Variants in GDAP2 observed in about 807,000 individuals in gnomAD.
GDAP2 encodes the protein ganglioside induced differentiation associated protein 2.
In GDAP2, 51 loss-of-function variants were observed where a neutral mutation model predicts 67.0. The ratio of observed to expected loss-of-function variants is 0.76; its 90% CI spans 0.61 to 0.96. The LOEUF is 0.96. Among genes scored for constraint, GDAP2 ranks in the 40% least tolerant of loss-of-function variants. The probability of loss-of-function intolerance (pLI) is 0.00; values close to 1 mark genes in which losing one functional copy is unlikely to be tolerated. For missense variants in GDAP2, 547 were observed against 588.3 expected (o/e 0.93, Z 0.73); for synonymous variants, 203 against 207.3 (o/e 0.98, Z 0.18).
At chr1:117,923,749 C>T (rs573898712) in intron 1 of GDAP2, among the ~76,000 whole-genome samples, 3 of 152,192 alleles carry the variant, frequency 2.0e-5, no homozygotes, top group Admixed American at 6.5e-5. Context: ...GATCTCAACC[C>T]CTTCCTGTCC....
At chr1:117,899,240 C>T in intron 6 of GDAP2, 24 bp from the exon 7 acceptor site, 2 of 1,576,084 alleles carry the variant, frequency 1.3e-6, no homozygotes, top group Non-Finnish European at 1.7e-6. Flanking sequence ...GCAAGACATT[C>T]TGTGAAAAAT....
At chr1:117,884,057 C>CA (rs1428681753) in intron 10 of GDAP2, among the ~76,000 whole-genome samples, 12 of 152,280 alleles carry the variant, frequency 7.9e-5, no homozygotes, top group African/African-American at 2.9e-4. Flanking sequence ...AAAGTCTTTG[C>CA]AGTCTCTACT....
At chr1:117,916,256 A>G (rs1353102555) in intron 3 of GDAP2, among the ~76,000 whole-genome samples, 1 of 152,226 alleles carries the variant, frequency 6.6e-6, no homozygotes, top group Non-Finnish European at 1.5e-5. Context: ...ACTTAAGAAT[A>G]AGGGTTGACA....
rs888316227 is a variant in GDAP2, at chr1:117,920,395, C to A, written c.-38G>T. On this transcript the variant is annotated 5_prime_UTR_variant, in exon 2 of 14. Coordinates refer to ENST00000369443, the MANE Select transcript of GDAP2 (RefSeq NM_017686.4). ...TTGATTTGTCTTTTCCCAAAATCCT[C>A]AGCAATTCAATATTCACTGGAGACT... 2.9e-6 allele frequency: 4 copies of A among 1,393,602 alleles called. No individual in the cohort carries two copies. In the Admixed American group the frequency reaches 7.9e-5, roughly 27 times the overall value. The allele number at this position is 1,393,602 out of a possible 1,614,324, so 86.3% of individuals were successfully genotyped here. A position where few individuals can be genotyped will look rare whatever the true frequency, so the allele number is the denominator to read the frequency against.
intron 11 of GDAP2, among the ~76,000 whole-genome samples, chr1:117,882,139 A>G (rs1557796025): frequency 6.6e-6 from 1 of 152,134 alleles, no homozygotes; most frequent in Non-Finnish European, 1.5e-5. Context: ...GTAAATTTGT[A>G]TTTAAGAAAC....
At chr1:117,893,489 C>T (rs748408859) in intron 8 of GDAP2, among the ~76,000 whole-genome samples, 8 of 152,108 alleles carry the variant, frequency 5.3e-5, no homozygotes, top group Non-Finnish European at 7.4e-5. Flanking sequence ...CCTTTAGTTT[C>T]GCTACTGATG....
chr1:117,879,468 T>C (rs1648577411), intron 12 of GDAP2, among the ~76,000 whole-genome samples: 1 of 152,092 alleles, frequency 6.6e-6, no homozygotes, highest in African/African-American at 2.4e-5. Flanking sequence ...AGCCTAAGAA[T>C]GATAATGATG....
At chr1:117,899,993 T>C (rs1448990990) in intron 6 of GDAP2, among the ~76,000 whole-genome samples, 3 of 152,190 alleles carry the variant, frequency 2.0e-5, no homozygotes, top group Non-Finnish European at 4.4e-5. Context: ...GTGTTGCCCA[T>C]AGTATTGCAT....
intron 12 of GDAP2, among the ~76,000 whole-genome samples, chr1:117,880,515 T>G (rs999711095): frequency 6.6e-6 from 1 of 152,102 alleles, no homozygotes; most frequent in Non-Finnish European, 1.5e-5. Context: ...CTAAACAATT[T>G]TGGTCGTAAA....
chr1:117,893,375 C>T (rs1043398012), intron 8 of GDAP2, among the ~76,000 whole-genome samples: 1 of 152,060 alleles, frequency 6.6e-6, no homozygotes, highest in African/African-American at 2.4e-5. Context: ...GATTAGAAAG[C>T]ACGTCTAATT....
At chr1:117,920,540 A>T (rs1047213295) in intron 1 of GDAP2, 116 bp from the exon 2 acceptor site, 6 of 406,814 alleles carry the variant, frequency 1.5e-5, no homozygotes, top group Admixed American at 1.3e-4. Context: ...TTGTGTGATT[A>T]TAGCCACTTA....
Position 117,912,654 on chromosome 1 carries a change from T to C in GDAP2, c.346A>G (p.Lys116Glu), listed in dbSNP as rs1402460419. 3.7e-6 allele frequency: 6 copies of C among 1,613,684 alleles called. No homozygotes were observed. The highest frequency in any genetic ancestry group is 2.2e-5 in the East Asian group (1 of 44,868). ...GCRTGEAKLT[K>E]GFNLAARFII... ...AACCGGGCAGCTAGATTGAATCCTTTTGTCAATTTTGCTTCACCTGTTCGG... is the reference window on the plus strand; with the variant it reads ...AACCGGGCAGCTAGATTGAATCCTTCTGTCAATTTTGCTTCACCTGTTCGG... The change falls in exon 4 of 14, where the codon AAA becomes GAA. Residue 116 changes from lysine to glutamate, a missense_variant. Lys to Glu is a moderately conservative substitution (Grantham distance 56). Coordinates refer to ENST00000369443, the MANE Select transcript of GDAP2 (RefSeq NM_017686.4).
chr1:117,911,994 G>A lies in GDAP2; in HGVS notation c.559C>T (p.Arg187Cys), dbSNP rs766549019. 4.6e-6 allele frequency: 7 copies of A among 1,528,668 alleles called. No individual in the cohort carries two copies. Among genetic ancestry groups the A allele is most frequent in the Admixed American group, 3.3e-5 (2 of 59,728 alleles). The allele number at this position is 1,528,668 out of a possible 1,614,324, so 94.7% of individuals were successfully genotyped here. ...GTACAGCATCTCTGATATTACTTAC[G>A]AAGTGCTATGTGTGTTGCATCCTCT... ...PLEDATHIAL[R>C]TVRRFLEIHG... The change falls in exon 5 of 14, where the codon CGC becomes TGC. Residue 187 changes from arginine (R) to cysteine (C), a missense_variant and splice_region_variant. Coordinates refer to ENST00000369443, the MANE Select transcript of GDAP2 (RefSeq NM_017686.4).
chr1:117,910,845 T>C (rs758905736), intron 5 of GDAP2, among the ~76,000 whole-genome samples: 7 of 152,330 alleles, frequency 4.6e-5, no homozygotes, highest in Non-Finnish European at 7.4e-5. Context: ...TCTTAGACCT[T>C]GCCTTGTACA....
In GDAP2 at chr1:117,870,593, T is replaced by C; in HGVS notation, c.1470A>G (p.Ser490=). Residue 490 remains serine, a synonymous_variant, in exon 14 of 14, where the codon TCA becomes TCG. Coordinates refer to ENST00000369443, the MANE Select transcript of GDAP2 (RefSeq NM_017686.4). ...GTCACAAATCTGGTGATGGGGGATA[T>C]GATGTATAGTAAGGCCCGTTTTCCT... ...DARENGPYYT[S]YPPSPDL 2 of 1,606,202 alleles carry C rather than the reference T, an allele frequency of 1.2e-6. No homozygotes were observed. Among genetic ancestry groups the C allele is most frequent in the South Asian group, 1.1e-5 (1 of 90,892 alleles).
intron 6 of GDAP2, among the ~76,000 whole-genome samples, chr1:117,902,717 T>C (rs1649522330): frequency 6.6e-6 from 1 of 152,206 alleles, no homozygotes; most frequent in Non-Finnish European, 1.5e-5. Flanking sequence ...TTGTTCTTTT[T>C]TTCCAAAATG....
intron 8 of GDAP2, among the ~76,000 whole-genome samples, chr1:117,892,174 T>C (rs1175903655): frequency 1.3e-5 from 2 of 152,140 alleles, no homozygotes; most frequent in Non-Finnish European, 2.9e-5. Context: ...ATTAAGTCTC[T>C]GCCATTACCA....
At chr1:117,872,685 TGGGGGAGGGTG>T (rs1648331880) in intron 13 of GDAP2, among the ~76,000 whole-genome samples, 4 of 31,420 alleles carry the variant, frequency 1.3e-4, no homozygotes, top group Non-Finnish European at 2.5e-4. Context: ...TGGGGCCTGT[TGGGGGAGGGTG>T]GGGGGAGAGC....
chr1:117,929,176 G>A (rs1426960910), intron 1 of GDAP2, among the ~76,000 whole-genome samples: 1 of 152,146 alleles, frequency 6.6e-6, no homozygotes, highest in Non-Finnish European at 1.5e-5. Context: ...TGCACCCTAG[G>A]GCGCCCGCCT....
Sources: gnomAD v4.1 joint callset for allele counts (sites outside exome capture counted in the v4.1 genomes callset) on GRCh38, gnomAD v4.1.1 for gene constraint, MANE v1.5 for transcripts, NCBI Gene and HGNC (gene_info 2026-07-23, HGNC 2026-07-21) for gene names.